Variants in HECW1 observed in about 807,000 individuals in gnomAD.
The protein encoded by HECW1 is HECT, C2 and WW domain containing E3 ubiquitin protein ligase 1, also known as E3 ubiquitin-protein ligase HECW1.
In HECW1, 61 loss-of-function variants were observed where a neutral mutation model predicts 182.3. The observed-to-expected ratio is 0.33, with a 90% confidence interval of 0.27 to 0.41. The LOEUF is 0.41. Among genes scored for constraint, HECW1 ranks in the 10% least tolerant of loss-of-function variants. The pLI, the probability that HECW1 is intolerant of heterozygous loss-of-function variation, is 1.00. For missense variants in HECW1, 1,739 were observed against 2,108.9 expected (o/e 0.82, Z 3.44); for synonymous variants, 859 against 832.6 (o/e 1.03, Z -0.55).
chr7:43,469,537 T>C (rs868701645), intron 16 of HECW1, among the ~76,000 whole-genome samples: 1 of 152,210 alleles, frequency 6.6e-6, no homozygotes, highest in South Asian at 2.1e-4. Context: ...GATTATTTGT[T>C]GTGATTTCTC....
At chr7:43,203,388 T>C (rs1455153499) in intron 2 of HECW1, among the ~76,000 whole-genome samples, 1 of 152,086 alleles carries the variant, frequency 6.6e-6, no homozygotes, top group African/African-American at 2.4e-5. Flanking sequence ...GATTATTTTT[T>C]AAAGATAATT....
chr7:43,432,657 A>T lies in HECW1; in HGVS notation c.802-5346A>T, dbSNP rs1294978564. 2.0e-5 allele frequency among the ~76,000 whole-genome samples: 3 copies of T among 152,198 alleles called. No homozygotes were observed. The East Asian group carries it at 5.8e-4, about 29-fold the overall frequency. On this transcript the variant is annotated intron_variant, in intron 8 of 29. Coordinates refer to ENST00000395891, the MANE Select transcript of HECW1 (RefSeq NM_015052.5). This position sits in a 1 kb window ranked among gnomAD's most constrained non-coding sequence, Gnocchi z 4.1. ...AGCTGTGTCCCAGCACCCAGCTCAC[A>T]GCCAGTGCCCAAAAAGTGTTTATGA...
chr7:43,240,529 A>G (rs1292255110), intron 2 of HECW1, among the ~76,000 whole-genome samples: 1 of 152,208 alleles, frequency 6.6e-6, no homozygotes, highest in East Asian at 1.9e-4. Flanking sequence ...GTATGGTCTG[A>G]AGGGTAACGT....
chr7:43,473,100 C>T (rs565861369), intron 16 of HECW1, among the ~76,000 whole-genome samples: 1 of 152,292 alleles, frequency 6.6e-6, no homozygotes, highest in South Asian at 2.1e-4. Flanking sequence ...TGAGTTCTCA[C>T]CTTATTAGTT....
At chr7:43,245,495 G>A (rs943485350) in intron 3 of HECW1, 2 of 152,184 alleles carry the variant, frequency 1.3e-5, no homozygotes, top group Non-Finnish European at 2.9e-5. Flanking sequence ...GTGTCCTTGG[G>A]AAGTTAGGGC....
Position 43,469,118 on chromosome 7 carries a change from C to A in HECW1, c.3099+13C>A. 1 of 1,612,002 alleles carries A rather than the reference C, an allele frequency of 6.2e-7. No individual in the cohort carries two copies. Among genetic ancestry groups the A allele is most frequent in the South Asian group, 1.1e-5 (1 of 90,912 alleles). On this transcript the variant is annotated intron_variant, in intron 16 of 29. Transcript: ENST00000395891. ...CCAGCAGGGAAAGGTGAGTGTGACC[C>A]ACGTGCGGGGCTTTCATCAAACAGG...
At position 43,114,206 on chromosome 7, in the gene HECW1, T is replaced by C; in HGVS notation, c.-217T>C. The C allele has an allele frequency of 7.4e-7, 1 of 1,346,778 alleles. No individual in the cohort carries two copies. The highest frequency in any genetic ancestry group is 9.8e-7 in the Non-Finnish European group (1 of 1,024,272). 83.4% of individuals were successfully genotyped at this position (1,346,778 alleles called of 1,614,324 possible). A position where few individuals can be genotyped will look rare whatever the true frequency, so the allele number is the denominator to read the frequency against. On this transcript the variant is annotated 5_prime_UTR_variant, in exon 2 of 30. Transcript: ENST00000395891. ...ACGGATACAGCAAGAGCAGCATAGT[T>C]CAAAAATTGAGGGAGGCATCTTCTC...
intron 7 of HECW1, among the ~76,000 whole-genome samples, chr7:43,403,660 T>A (rs2075503398): frequency 6.6e-6 from 1 of 152,104 alleles, no homozygotes; most frequent in Non-Finnish European, 1.5e-5. Flanking sequence ...CTCTCACATA[T>A]AATGGGGTGA....
intron 3 of HECW1, among the ~76,000 whole-genome samples, chr7:43,300,558 C>G (rs1465405437): frequency 6.6e-6 from 1 of 152,122 alleles, no homozygotes; most frequent in Non-Finnish European, 1.5e-5. Context: ...AGAGAGATGA[C>G]TTTATATTGC....
intron 5 of HECW1, among the ~76,000 whole-genome samples, chr7:43,360,209 A>G (rs1815692912): frequency 6.9e-6 from 1 of 144,900 alleles, no homozygotes; most frequent in African/African-American, 2.7e-5. Context: ...CCATTTATAG[A>G]ACTTTCTTTT....
chr7:43,385,931 AGGCT>A (rs2074775398), intron 6 of HECW1, among the ~76,000 whole-genome samples: 1 of 152,226 alleles, frequency 6.6e-6, no homozygotes, highest in African/African-American at 2.4e-5. Flanking sequence ...AATGTCAGCC[AGGCT>A]GAGTTCTCAT....
Position 43,508,081 on chromosome 7 carries a change from G to GA in HECW1, c.3819dup (p.Glu1274ArgfsTer43). The GA allele has an allele frequency of 6.2e-7, 1 of 1,614,080 alleles. No homozygotes were observed. Among genetic ancestry groups the GA allele is most frequent in the Non-Finnish European group, 8.5e-7 (1 of 1,179,960 alleles). On this transcript the variant is annotated frameshift_variant, in exon 23 of 30. Coordinates refer to ENST00000395891, the MANE Select transcript of HECW1 (RefSeq NM_015052.5). LOFTEE classifies it high-confidence loss of function. ...TCAATCAGGTGATGGCCTATTCGCG[G>GA]AAAGAGCTCCAGCGAAACAAGCTCT...
intron 2 of HECW1, among the ~76,000 whole-genome samples, chr7:43,225,791 C>CTT (rs919183942): frequency 6.8e-6 from 1 of 146,818 alleles, no homozygotes. Context: ...CTGAATAGAT[C>CTT]TTTTTTTTTT....
At chr7:43,124,111 A>C (rs1000460476) in intron 2 of HECW1, among the ~76,000 whole-genome samples, 1 of 152,194 alleles carries the variant, frequency 6.6e-6, no homozygotes, top group African/African-American at 2.4e-5. Flanking sequence ...TCCTTTTTCA[A>C]GTGTTCATTT....
chr7:43,391,701 TG>T (rs2075036351), intron 6 of HECW1, among the ~76,000 whole-genome samples: 1 of 152,174 alleles, frequency 6.6e-6, no homozygotes, highest in South Asian at 2.1e-4. Flanking sequence ...GAACTTGAAA[TG>T]TGCTGCCTCC....
intron 2 of HECW1, among the ~76,000 whole-genome samples, chr7:43,191,998 C>T (rs938399150): frequency 3.4e-5 from 5 of 148,216 alleles, no homozygotes; most frequent in East Asian, 4.0e-4. Flanking sequence ...TCACTCTTGT[C>T]GCCTAGACTG....
At chr7:43,317,909 A>G (rs1389947386) in intron 4 of HECW1, among the ~76,000 whole-genome samples, 2 of 146,224 alleles carry the variant, frequency 1.4e-5, no homozygotes, top group Non-Finnish European at 3.0e-5. Flanking sequence ...TCCTTTTCTC[A>G]TTCATGTTCC....
At chr7:43,529,026 A>G (rs2080874771) in intron 24 of HECW1, among the ~76,000 whole-genome samples, 1 of 152,152 alleles carries the variant, frequency 6.6e-6, no homozygotes, top group Non-Finnish European at 1.5e-5. Context: ...TGTAGAGAAT[A>G]GACCAAACCT....
intron 6 of HECW1, among the ~76,000 whole-genome samples, chr7:43,371,695 CA>C (rs1260024197): frequency 8.5e-5 from 13 of 152,130 alleles, no homozygotes; most frequent in Admixed American, 8.5e-4. Context: ...ATTGTGGGAA[CA>C]GCAACAACAG....
Sources: allele counts gnomAD v4.1 joint callset (sites outside exome capture counted in the v4.1 genomes callset), GRCh38; gene constraint gnomAD v4.1.1; non-coding constraint Gnocchi (gnomAD v3.1); transcripts MANE v1.5; gene names NCBI Gene and HGNC (gene_info 2026-07-23, HGNC 2026-07-21).